ARHGAP42: variants seen among roughly 807,000 people sequenced by gnomAD.
The protein encoded by ARHGAP42 is rho GTPase-activating protein 42.
A neutral mutation model predicts 125.0 loss-of-function variants in ARHGAP42; 63 were observed. The observed-to-expected ratio is 0.50, with a 90% confidence interval of 0.41 to 0.62. The LOEUF is 0.62. ARHGAP42 is among the 20% of genes least tolerant of loss of function. ARHGAP42 has a pLI of 0.00. For missense variants in ARHGAP42, 766 were observed against 1,024.2 expected (o/e 0.75, Z 3.44); for synonymous variants, 339 against 351.0 (o/e 0.97, Z 0.38).
intron 2 of ARHGAP42, among the ~76,000 whole-genome samples, chr11:100,786,773 C>T (rs1222942586): frequency 2.0e-5 from 3 of 152,150 alleles, no homozygotes; most frequent in Non-Finnish European, 2.9e-5. Flanking sequence ...GTAGTAGCAG[C>T]CACTTTCTCT....
intron 2 of ARHGAP42, among the ~76,000 whole-genome samples, chr11:100,792,404 C>G (rs1163303044): frequency 1.3e-5 from 2 of 152,032 alleles, no homozygotes; most frequent in Non-Finnish European, 2.9e-5. Flanking sequence ...TTGCCAGTCC[C>G]CACTACTTAC....
intron 4 of ARHGAP42, among the ~76,000 whole-genome samples, chr11:100,900,741 C>A (rs1866522761): frequency 6.6e-6 from 1 of 152,110 alleles, no homozygotes; most frequent in African/African-American, 2.4e-5. Context: ...GTTCTCTTGC[C>A]ATGGTTTTCA....
intron 1 of ARHGAP42, among the ~76,000 whole-genome samples, chr11:100,748,747 G>A (rs1565553793): frequency 2.0e-5 from 3 of 152,226 alleles, no homozygotes; most frequent in East Asian, 1.9e-4. Flanking sequence ...GGAAGGCTAC[G>A]GGTTGTCAGT....
At position 100,976,267 on chromosome 11, in the gene ARHGAP42, G is replaced by C; in HGVS notation, c.2066G>C (p.Arg689Thr). Residue 689 changes from arginine to threonine, a missense_variant, in exon 20 of 24, where the codon AGA (arginine) becomes ACA (threonine). Transcript: ENST00000298815. ...LWTTSPESSSREDATKTDAES... is the reference protein window; with the variant it reads ...LWTTSPESSSTEDATKTDAES... ...ACAACTAGTCCTGAATCAAGTTCCA[G>C]AGAAGATGCAACCAAGACAGATGCA... 2 of 1,551,724 alleles carry C rather than the reference G, an allele frequency of 1.3e-6. No homozygotes were observed. Among genetic ancestry groups the C allele is most frequent in the South Asian group, 2.4e-5 (2 of 84,046 alleles).
intron 3 of ARHGAP42, among the ~76,000 whole-genome samples, chr11:100,830,902 T>C (rs1864649171): frequency 6.6e-6 from 1 of 152,096 alleles, no homozygotes; most frequent in Non-Finnish European, 1.5e-5. Context: ...GAGGGCAACA[T>C]TTTTCTTGGG....
intron 2 of ARHGAP42, among the ~76,000 whole-genome samples, chr11:100,774,578 G>C (rs989738616): frequency 6.6e-6 from 1 of 152,190 alleles, no homozygotes; most frequent in Non-Finnish European, 1.5e-5. Flanking sequence ...GACTTGAAAA[G>C]TAAGACATCG....
At chr11:100,906,796 T>TTTTTTAAAA (rs1356095291) in intron 4 of ARHGAP42, among the ~76,000 whole-genome samples, 1 of 152,222 alleles carries the variant, frequency 6.6e-6, no homozygotes, top group African/African-American at 2.4e-5. Flanking sequence ...TTGTTTTAAA[T>TTTTTTAAAA]TTTTCTACCC....
intron 4 of ARHGAP42, among the ~76,000 whole-genome samples, chr11:100,873,352 G>A (rs72991908): frequency 0.19 from 29,478 of 151,994 alleles, 3,812 homozygotes; most frequent in South Asian, 0.44. Context: ...TTTCTACAAG[G>A]GATGTATTGT....
At chr11:100,952,814 G>T (rs1171617071) in intron 12 of ARHGAP42, among the ~76,000 whole-genome samples, 2 of 136,364 alleles carry the variant, frequency 1.5e-5, no homozygotes, top group African/African-American at 5.6e-5. Context: ...TGTAACCTCC[G>T]CCTCCTGGGT....
At chr11:100,829,211 G>T (rs573948086) in intron 3 of ARHGAP42, among the ~76,000 whole-genome samples, 1 of 151,812 alleles carries the variant, frequency 6.6e-6, no homozygotes, top group Non-Finnish European at 1.5e-5. Flanking sequence ...GTGGCTTGGG[G>T]AAAAAAAGCA....
intron 10 of ARHGAP42, among the ~76,000 whole-genome samples, chr11:100,944,405 G>A (rs80003156): frequency 0.05 from 7,537 of 152,146 alleles, 324 homozygotes; most frequent in East Asian, 0.25. Flanking sequence ...TTTACAATAA[G>A]AATGGGTATG....
chr11:100,884,002 C>T lies in ARHGAP42; in HGVS notation c.384+24377C>T, dbSNP rs112838738. On this transcript the variant is annotated intron_variant, in intron 4 of 23. Coordinates refer to ENST00000298815, the MANE Select transcript of ARHGAP42 (RefSeq NM_152432.4). ...CAACAGTCTGTGCATGGTGTTCATC[C>T]TTAAAATTCATTTTATGAGTCATGC... is the stretch of plus-strand genomic sequence containing the variant. 2.6e-3 allele frequency among the ~76,000 whole-genome samples: 397 copies of T among 152,276 alleles called. 2 individuals carry two copies. The highest frequency in any genetic ancestry group is 9.2e-3 in the African/African-American group (383 of 41,562).
intron 3 of ARHGAP42, among the ~76,000 whole-genome samples, chr11:100,845,967 G>C (rs1727335284): frequency 6.6e-6 from 1 of 152,106 alleles, no homozygotes; most frequent in Non-Finnish European, 1.5e-5. Context: ...CTAATAAATG[G>C]CTAGGGATAG....
intron 9 of ARHGAP42, among the ~76,000 whole-genome samples, chr11:100,943,106 A>G (rs1171951241): frequency 6.6e-6 from 1 of 151,972 alleles, no homozygotes; most frequent in East Asian, 1.9e-4. Context: ...GCGGTGTAGC[A>G]GTGGGTTACC....
intron 1 of ARHGAP42, among the ~76,000 whole-genome samples, chr11:100,725,101 C>A (rs1300484847): frequency 6.6e-6 from 1 of 151,726 alleles, no homozygotes; most frequent in Non-Finnish European, 1.5e-5. Context: ...TATTTAATCT[C>A]CTGGTGTTTT....
intron 10 of ARHGAP42, among the ~76,000 whole-genome samples, chr11:100,946,921 A>C (rs1245011474): frequency 6.6e-6 from 1 of 151,864 alleles, no homozygotes; most frequent in East Asian, 1.9e-4. Flanking sequence ...AGTATCTGCA[A>C]AGCTCAATCA....
chr11:100,885,817 A>C (rs765223658), intron 4 of ARHGAP42, among the ~76,000 whole-genome samples: 4 of 152,210 alleles, frequency 2.6e-5, no homozygotes, highest in Non-Finnish European at 5.9e-5. Context: ...TCAAAATAAG[A>C]TGACCAAAAT....
intron 1 of ARHGAP42, among the ~76,000 whole-genome samples, chr11:100,711,486 C>G (rs1410332700): frequency 6.6e-6 from 1 of 151,994 alleles, no homozygotes; most frequent in Non-Finnish European, 1.5e-5. Context: ...TCCCAAGTAG[C>G]TGGGACTACA....
Position 100,894,661 on chromosome 11 carries a change from C to G in ARHGAP42, c.385-18791C>G, listed in dbSNP as rs889787995. On this transcript the variant is annotated intron_variant, in intron 4 of 23. Transcript: ENST00000298815. ...CTGGTTATCATGTTTGCTTCACAAGCAGACAGCTTTCAATGCCAGCACCAT... is the reference window on the plus strand; with the variant it reads ...CTGGTTATCATGTTTGCTTCACAAGGAGACAGCTTTCAATGCCAGCACCAT... Among the ~76,000 whole-genome samples, 8 of 152,236 alleles carry G rather than the reference C, an allele frequency of 5.3e-5. 1 individual carries two copies. In the South Asian group the frequency reaches 1.7e-3, roughly 32 times the overall value.
Sources: allele counts gnomAD v4.1 joint callset (sites outside exome capture counted in the v4.1 genomes callset), GRCh38; gene constraint gnomAD v4.1.1; transcripts MANE v1.5; gene names NCBI Gene and HGNC (gene_info 2026-07-23, HGNC 2026-07-21).